THRB: variants seen among roughly 807,000 people sequenced by gnomAD.
THRB encodes the protein nuclear receptor subfamily 1 group A member 2.
Under a neutral mutation model 47.8 loss-of-function variants are expected in THRB, and 12 were observed. The observed-to-expected ratio is 0.25, with a 90% CI of 0.16 to 0.41. The LOEUF (loss-of-function observed/expected upper bound fraction) is 0.41, where lower values mean the gene tolerates loss of function less well. Ranked by LOEUF, THRB falls within the 10% of genes least tolerant of loss-of-function variation. THRB has a pLI of 1.00. For missense variants in THRB, 348 were observed against 589.2 expected (o/e 0.59, Z 4.24); for synonymous variants, 218 against 212.2 (o/e 1.03, Z -0.24).
chr3:24,212,540 T>C (rs1484068532), intron 4 of THRB, among the ~76,000 whole-genome samples: 1 of 131,500 alleles, frequency 7.6e-6, no homozygotes, highest in Non-Finnish European at 1.5e-5. Flanking sequence ...ATCGCACCAT[T>C]GCACTCCAGC....
Position 24,118,781 on chromosome 3 carries a change from G to A in THRB, c.*4103C>T, listed in dbSNP as rs1386884610. ...ACAGATTTATATTTGATTGTCTTGT[G>A]CATAGGGTGGGTCAGCTTTAACTGT... On this transcript the variant is annotated 3_prime_UTR_variant, in exon 11 of 11. Transcript: ENST00000646209. 1.3e-5 allele frequency: 2 copies of A among 152,594 alleles called. No individual in the cohort carries two copies. The highest frequency in any genetic ancestry group is 2.9e-5 in the Non-Finnish European group (2 of 68,034). The allele number at this position is 152,594 out of a possible 1,614,324, so 9.5% of individuals were successfully genotyped here.
chr3:24,417,321 A>G (rs537659334), intron 1 of THRB, among the ~76,000 whole-genome samples: 11 of 152,042 alleles, frequency 7.2e-5, no homozygotes, highest in African/African-American at 2.6e-4. Flanking sequence ...CAGTGCCACA[A>G]TACACTGTTC....
At chr3:24,191,692 A>G (rs1223686045) in intron 4 of THRB, among the ~76,000 whole-genome samples, 1 of 152,234 alleles carries the variant, frequency 6.6e-6, no homozygotes, top group East Asian at 1.9e-4. Flanking sequence ...CTAAAAGTGT[A>G]AATTACTCAG....
rs2037139762 is a variant in THRB at position 24,152,605 on chromosome 3, A to G, written c.284-115T>C. Reference sequence around the variant, plus strand: ...ATTGGCTTGCCAGGAAGAGGTAACAACAGTAAAGACTTAGTGAAACCAAAC... The same window carrying G: ...ATTGGCTTGCCAGGAAGAGGTAACAGCAGTAAAGACTTAGTGAAACCAAAC... On this transcript the variant is annotated intron_variant, in intron 5 of 10. Coordinates refer to ENST00000646209, the MANE Select transcript of THRB (RefSeq NM_001354712.2). 5 of 702,372 alleles carry G rather than the reference A, an allele frequency of 7.1e-6. No individual in the cohort carries two copies. In the South Asian group the frequency reaches 7.5e-5, roughly 11 times the overall value. The allele number at this position is 702,372 out of a possible 1,614,324, so 43.5% of individuals were successfully genotyped here. A position where few individuals can be genotyped will look rare whatever the true frequency, so the allele number is the denominator to read the frequency against.
At chr3:24,174,433 T>C (rs1324462857) in intron 5 of THRB, among the ~76,000 whole-genome samples, 1 of 152,202 alleles carries the variant, frequency 6.6e-6, no homozygotes, top group African/African-American at 2.4e-5. Flanking sequence ...AAGAGGTTTC[T>C]ATACCTCTCA....
At chr3:24,468,509 T>G (rs937930625) in intron 1 of THRB, among the ~76,000 whole-genome samples, 1 of 152,210 alleles carries the variant, frequency 6.6e-6, no homozygotes, top group Admixed American at 6.5e-5. Flanking sequence ...TCTTTTCACT[T>G]GAACACTTAG....
chr3:24,249,774 G>A lies in THRB; in HGVS notation c.-42-20773C>T, dbSNP rs369111398. Among the ~76,000 whole-genome samples the A allele has an allele frequency of 1.9e-4, 29 of 152,262 alleles. No homozygotes were observed. In the East Asian group the frequency reaches 4.6e-3, roughly 24 times the overall value. ...AAGGAGTGGCATGTTTGGACAGAGA[G>A]GTGGGGCAAATGTCAGTGCTAATTA... On this transcript the variant is annotated intron_variant, in intron 3 of 10. Coordinates refer to ENST00000646209, the MANE Select transcript of THRB (RefSeq NM_001354712.2).
At chr3:24,141,498 A>G (rs1163566136) in intron 8 of THRB, among the ~76,000 whole-genome samples, 1 of 152,180 alleles carries the variant, frequency 6.6e-6, no homozygotes, top group Non-Finnish European at 1.5e-5. Context: ...CCTTCATTGC[A>G]CTTACCACTA....
chr3:24,299,802 T>TC (rs1363344985), intron 2 of THRB, among the ~76,000 whole-genome samples: 1 of 132,948 alleles, frequency 7.5e-6, no homozygotes, highest in South Asian at 2.4e-4. Flanking sequence ...TTTTTTTTTT[T>TC]AGCAAACATA....
At chr3:24,247,555 C>G (rs1405484954) in intron 3 of THRB, among the ~76,000 whole-genome samples, 1 of 152,194 alleles carries the variant, frequency 6.6e-6, no homozygotes, top group Non-Finnish European at 1.5e-5. Context: ...AATCACTAAA[C>G]TTGACTGCAT....
chr3:24,340,011 A>G (rs954944172), intron 1 of THRB, among the ~76,000 whole-genome samples: 4 of 152,230 alleles, frequency 2.6e-5, no homozygotes, highest in African/African-American at 9.6e-5. Context: ...ATTTCTGGGC[A>G]TGAAACAGTT....
At chr3:24,302,361 T>C (rs1284847635) in intron 2 of THRB, among the ~76,000 whole-genome samples, 3 of 152,232 alleles carry the variant, frequency 2.0e-5, no homozygotes, top group Admixed American at 2.0e-4. Context: ...TGGGTTTTTA[T>C]AGATTTTGTT....
chr3:24,401,779 A>G, intron 1 of THRB, among the ~76,000 whole-genome samples: 1 of 152,006 alleles, frequency 6.6e-6, no homozygotes, highest in East Asian at 1.9e-4. Flanking sequence ...AGTTTATTTT[A>G]GATGCAGATT....
At chr3:24,129,835 T>G (rs2033539203) in intron 9 of THRB, among the ~76,000 whole-genome samples, 1 of 152,228 alleles carries the variant, frequency 6.6e-6, no homozygotes, top group Admixed American at 6.5e-5. Context: ...GCATGTTGTT[T>G]TGGCAGCTCT....
intron 1 of THRB, among the ~76,000 whole-genome samples, chr3:24,408,639 T>C (rs1351459774): frequency 6.6e-6 from 1 of 151,860 alleles, no homozygotes; most frequent in African/African-American, 2.4e-5. Context: ...TTTTCTGTGA[T>C]TAGATGCATT....
intron 1 of THRB, among the ~76,000 whole-genome samples, chr3:24,473,776 A>T (rs1334416141): frequency 6.6e-6 from 1 of 152,250 alleles, no homozygotes; most frequent in Non-Finnish European, 1.5e-5. Flanking sequence ...GGATGAGTTC[A>T]TGTCCTTTGC....
chr3:24,381,033 T>A (rs1219371731), intron 1 of THRB, among the ~76,000 whole-genome samples: 2 of 150,256 alleles, frequency 1.3e-5, no homozygotes, highest in African/African-American at 4.9e-5. Context: ...GAGAATTGCT[T>A]GAACTTGGGA....
At chr3:24,169,510 G>A (rs2040137306) in intron 5 of THRB, among the ~76,000 whole-genome samples, 1 of 151,722 alleles carries the variant, frequency 6.6e-6, no homozygotes, top group Admixed American at 6.6e-5. Flanking sequence ...TTTTTTTCTC[G>A]AGACAGAAAT....
intron 5 of THRB, among the ~76,000 whole-genome samples, chr3:24,182,659 T>C (rs1301504983): frequency 6.6e-6 from 1 of 152,220 alleles, no homozygotes; most frequent in African/African-American, 2.4e-5. Context: ...CATGAGATCA[T>C]TTAAGAGCTT....
Sources: gnomAD v4.1 joint callset for allele counts (sites outside exome capture counted in the v4.1 genomes callset) on GRCh38, gnomAD v4.1.1 for gene constraint, MANE v1.5 for transcripts, NCBI Gene and HGNC (gene_info 2026-07-23, HGNC 2026-07-21) for gene names.